Variants in SLC39A12 observed in about 807,000 individuals in gnomAD.
SLC39A12 encodes zinc transporter ZIP12.
Under a neutral mutation model 71.1 loss-of-function variants are expected in SLC39A12, and 63 were observed. That is an observed-to-expected ratio of 0.89 (90% CI 0.72 to 1.09). SLC39A12 has a LOEUF of 1.09. Among genes scored for constraint, SLC39A12 ranks in the 50% least tolerant of loss-of-function variants. The pLI, the probability that SLC39A12 is intolerant of heterozygous loss-of-function variation, is 0.00. For missense variants in SLC39A12, 892 were observed against 812.6 expected (o/e 1.10, Z -1.19); for synonymous variants, 351 against 301.3 (o/e 1.16, Z -1.71).
In SLC39A12 at chr10:17,977,905, T is replaced by C; in HGVS notation, c.755T>C (p.Leu252Pro). 1 of 1,583,652 alleles carries C rather than the reference T, an allele frequency of 6.3e-7. No individual in the cohort carries two copies. Among genetic ancestry groups the C allele is most frequent in the Non-Finnish European group, 8.5e-7 (1 of 1,169,838 alleles). Residue 252 changes from leucine (L) to proline (P), a missense_variant, in exon 5 of 13, where the codon CTA (leucine) becomes CCA (proline). Physicochemically the swap from Leu to Pro is moderately conservative, Grantham distance 98 (BLOSUM62 -3). Transcript: ENST00000377369. Reference protein sequence around the residue: ...NRTNTLRLSELDQLLNTLWTR... With the variant: ...NRTNTLRLSEPDQLLNTLWTR... The stretch of plus-strand genomic sequence containing the variant: ...AGATTTTATATGAAATTTCTAGAAC[T>C]AGACCAACTCCTCAACACTCTCTGG...
intron 12 of SLC39A12, among the ~76,000 whole-genome samples, chr10:18,023,547 G>T (rs1267317991): frequency 6.6e-6 from 1 of 151,750 alleles, no homozygotes; most frequent in African/African-American, 2.4e-5. Context: ...CTGCCAATGG[G>T]AATGTTCATT....
At chr10:18,036,090 G>C (rs1278879266) in intron 12 of SLC39A12, among the ~76,000 whole-genome samples, 1 of 152,240 alleles carries the variant, frequency 6.6e-6, no homozygotes, top group Non-Finnish European at 1.5e-5. Flanking sequence ...AGAGGTTACT[G>C]CTGTCTTTTT....
intron 12 of SLC39A12, 29 bp from the exon 13 acceptor site, chr10:18,042,676 C>G: frequency 6.3e-7 from 1 of 1,593,870 alleles, no homozygotes; most frequent in Non-Finnish European, 8.5e-7. Flanking sequence ...ATATCTGGAT[C>G]TTATTCTGGT....
chr10:17,953,375 T>C lies in SLC39A12; in HGVS notation c.99T>C (p.Asp33=), dbSNP rs691112. The C allele has an allele frequency of 0.91, 1,476,109 of 1,614,044 alleles. 675,568 individuals are homozygous for C. Among genetic ancestry groups the C allele is most frequent in the African/African-American group, 0.98 (73,787 of 74,990 alleles). The stretch of plus-strand genomic sequence containing the variant: ...AGACAGACAAACCCTCAGCCCAGGA[T>C]AGCAGAAGCCGTGGGAGTTCAGGCC... ...STETDKPSAQ[D]SRSRGSSGQP... The change falls in exon 2 of 13, where the codon GAT becomes GAC. Residue 33 remains aspartate, a synonymous_variant. Coordinates refer to ENST00000377369, the MANE Select transcript of SLC39A12 (RefSeq NM_001145195.2).
chr10:18,022,296 TC>T (rs1173916209), intron 12 of SLC39A12, among the ~76,000 whole-genome samples: 1 of 152,140 alleles, frequency 6.6e-6, no homozygotes, highest in African/African-American at 2.4e-5. Context: ...CATAATCCCG[TC>T]TTTCTCAGAG....
rs1371695164 is a variant in SLC39A12 at position 18,033,223 on chromosome 10, T to A, written c.1948-9482T>A. The stretch of plus-strand genomic sequence containing the variant: ...TTGATTGGAATAGTTTCAGAAGGAA[T>A]GGTACCAGTTCCTCCTTGTACCTCT... On this transcript the variant is annotated intron_variant, in intron 12 of 12. Coordinates refer to ENST00000377369, the MANE Select transcript of SLC39A12 (RefSeq NM_001145195.2). 2.1e-5 allele frequency among the ~76,000 whole-genome samples: 3 copies of A among 146,104 alleles called. No homozygotes were observed. In the East Asian group the frequency reaches 6.3e-4, roughly 31 times the overall value.
intron 6 of SLC39A12, among the ~76,000 whole-genome samples, chr10:17,985,690 C>T (rs1353516582): frequency 6.6e-6 from 1 of 152,008 alleles, no homozygotes; most frequent in South Asian, 2.1e-4. Context: ...TAGATAACTC[C>T]TTATCTCTAT....
rs1181037224 is a variant in SLC39A12 at position 18,041,655 on chromosome 10, GTA to G, written c.1948-1044_1948-1043del. The stretch of plus-strand genomic sequence containing the variant: ...TGTGTATATATATGTATATACATAT[GTA>G]TATATGTGTATATATATGTATATAC... On this transcript the variant is annotated intron_variant, in intron 12 of 12. Transcript: ENST00000377369. Among the ~76,000 whole-genome samples, 15 of 49,254 alleles carry G rather than the reference GTA, an allele frequency of 3.0e-4. 1 individual carries two copies. The highest frequency in any genetic ancestry group is 2.5e-3 in the Admixed American group (13 of 5,268). 32.3% of individuals were successfully genotyped at this position (49,254 alleles called of 152,430 possible).
chr10:17,999,021 G>A (rs1297033738), intron 10 of SLC39A12, among the ~76,000 whole-genome samples: 1 of 152,138 alleles, frequency 6.6e-6, no homozygotes, highest in Non-Finnish European at 1.5e-5. Flanking sequence ...ATTAGGCCAG[G>A]TGCAGTGGCT....
At chr10:18,019,921 T>C (rs374592346) in intron 12 of SLC39A12, among the ~76,000 whole-genome samples, 2 of 152,246 alleles carry the variant, frequency 1.3e-5, no homozygotes, top group Non-Finnish European at 2.9e-5. Flanking sequence ...TTATGTCCAA[T>C]TGATTGATGT....
intron 2 of SLC39A12, among the ~76,000 whole-genome samples, chr10:17,961,189 T>G (rs1423192963): frequency 2.6e-5 from 4 of 152,166 alleles, no homozygotes; most frequent in Admixed American, 2.6e-4. Context: ...TTGAGTGAGA[T>G]GCTGGACCAA....
chr10:18,000,363 G>A (rs1835798617), intron 10 of SLC39A12, among the ~76,000 whole-genome samples: 1 of 152,206 alleles, frequency 6.6e-6, no homozygotes, highest in Non-Finnish European at 1.5e-5. Context: ...GGTACTTGGG[G>A]AGGCTATAAC....
intron 12 of SLC39A12, among the ~76,000 whole-genome samples, chr10:18,010,207 A>G (rs1481729711): frequency 1.3e-5 from 2 of 152,178 alleles, no homozygotes; most frequent in African/African-American, 2.4e-5. Context: ...GGTCTGGTAA[A>G]TGAATCCTTT....
intron 6 of SLC39A12, among the ~76,000 whole-genome samples, chr10:17,985,172 G>A (rs759753131): frequency 7.9e-5 from 12 of 151,968 alleles, no homozygotes; most frequent in Non-Finnish European, 1.2e-4. Flanking sequence ...ATGGAACCCC[G>A]TCTCTACTAA....
chr10:18,032,971 G>T (rs1179265937), intron 12 of SLC39A12, among the ~76,000 whole-genome samples: 2 of 150,094 alleles, frequency 1.3e-5, no homozygotes, highest in African/African-American at 2.5e-5. Flanking sequence ...TGCGTATATT[G>T]AACCAGCCTT....
chr10:17,963,267 C>A (rs749249026), intron 3 of SLC39A12, among the ~76,000 whole-genome samples: 2 of 152,154 alleles, frequency 1.3e-5, no homozygotes, highest in Non-Finnish European at 2.9e-5. Context: ...TTCTTCAGTA[C>A]AACATCTGTG....
In SLC39A12 at chr10:17,953,444, A is replaced by G; in HGVS notation, c.168A>G (p.Pro56=). Residue 56 remains proline (P), a synonymous_variant, in exon 2 of 13, where the codon CCA becomes CCG. Transcript: ENST00000377369. ...AGGTTCTCTCTGCTGGTGACCACCC[A>G]CCCCACAACCACTCAAGAAGCCTCA... ...LLQVLSAGDH[P]PHNHSRSLIK... is the part of the protein sequence containing the mutation. 1 of 1,614,112 alleles carries G rather than the reference A, an allele frequency of 6.2e-7. No individual in the cohort carries two copies. The highest frequency in any genetic ancestry group is 8.5e-7 in the Non-Finnish European group (1 of 1,180,030).
chr10:18,017,266 T>C (rs1028030671), intron 12 of SLC39A12, among the ~76,000 whole-genome samples: 1 of 152,198 alleles, frequency 6.6e-6, no homozygotes, highest in Admixed American at 6.5e-5. Flanking sequence ...AGGATTTTTA[T>C]GGTTTTGCAT....
intron 11 of SLC39A12, chr10:18,002,947 G>T: frequency 2.2e-6 from 1 of 455,032 alleles, no homozygotes; most frequent in Non-Finnish European, 3.9e-6. Flanking sequence ...ATCTTTAGGA[G>T]CAGCCAAAGG....
Sources: gnomAD v4.1 joint callset for allele counts (sites outside exome capture counted in the v4.1 genomes callset) on GRCh38, gnomAD v4.1.1 for gene constraint, MANE v1.5 for transcripts, NCBI Gene and HGNC (gene_info 2026-07-23, HGNC 2026-07-21) for gene names.